Variants in DLGAP2 observed in about 807,000 individuals in gnomAD.
The protein encoded by DLGAP2 is disks large-associated protein 2.
A neutral mutation model predicts 100.3 loss-of-function variants in DLGAP2; 26 were observed. The ratio of observed to expected loss-of-function variants is 0.26; its 90% CI spans 0.19 to 0.36. The LOEUF (loss-of-function observed/expected upper bound fraction) is 0.36, where lower values mean the gene tolerates loss of function less well. DLGAP2 is among the 10% of genes least tolerant of loss of function. The pLI, the probability that DLGAP2 is intolerant of heterozygous loss-of-function variation, is 1.00. For synonymous variants in DLGAP2, 886 were observed against 630.1 expected (o/e 1.41, Z -6.08); for missense variants, 1,858 against 1,453.2 (o/e 1.28, Z -4.53).
intron 3 of DLGAP2, among the ~76,000 whole-genome samples, chr8:1,356,881 C>T (rs574236405): frequency 5.9e-5 from 9 of 152,290 alleles, no homozygotes; most frequent in Middle Eastern, 3.4e-3. Flanking sequence ...GGAAACACCT[C>T]GTCTTCAGGG....
intron 1 of DLGAP2, among the ~76,000 whole-genome samples, chr8:802,733 G>T (rs1424508542): frequency 1.3e-5 from 2 of 152,104 alleles, no homozygotes; most frequent in African/African-American, 4.8e-5. Flanking sequence ...TCTGTAGGCC[G>T]TGGTCTCTCA....
intron 3 of DLGAP2, among the ~76,000 whole-genome samples, chr8:1,275,825 AAAAT>A (rs1417066567): frequency 1.1e-4 from 6 of 57,026 alleles, no homozygotes; most frequent in African/African-American, 3.8e-4. Flanking sequence ...ATAATATATA[AAAAT>A]AAATATATAA....
chr8:1,255,788 ATCCTGCCTGGGTGCTATGTGTGTGTCTTC>A (rs1799191500), intron 2 of DLGAP2, among the ~76,000 whole-genome samples: 1 of 76,256 alleles, frequency 1.3e-5, no homozygotes, highest in African/African-American at 5.1e-5. Flanking sequence ...GTGTCCTCTC[ATCCTGCCTGGGTGCTATGTGTGTGTCTTC>A]TCCTGCCCAG....
intron 3 of DLGAP2, among the ~76,000 whole-genome samples, chr8:1,283,671 T>C (rs1164719594): frequency 1.3e-5 from 2 of 152,222 alleles, no homozygotes; most frequent in Admixed American, 6.5e-5. Flanking sequence ...AAATGCTTTT[T>C]GTCACCTAAC....
intron 2 of DLGAP2, among the ~76,000 whole-genome samples, chr8:1,104,202 C>A (rs574444717): frequency 6.6e-6 from 1 of 152,246 alleles, no homozygotes; most frequent in South Asian, 2.1e-4. Context: ...CAGCCCCGGC[C>A]ACGGTGGAGC....
At chr8:1,164,206 CAGGG>C (rs1796958798) in intron 2 of DLGAP2, among the ~76,000 whole-genome samples, 4 of 143,416 alleles carry the variant, frequency 2.8e-5, no homozygotes, top group Admixed American at 6.7e-5. Context: ...TGTGAGCCCC[CAGGG>C]CCCGTCATTT....
At chr8:1,436,742 T>TACCCATTCACCCACCCACTC (rs1797643222) in intron 3 of DLGAP2, among the ~76,000 whole-genome samples, 1 of 152,038 alleles carries the variant, frequency 6.6e-6, no homozygotes, top group South Asian at 2.1e-4. Context: ...CTCACCCACT[T>TACCCATTCACCCACCCACTC]ACCCATTCAC....
At chr8:1,637,715 C>T (rs914102047) in intron 8 of DLGAP2, among the ~76,000 whole-genome samples, 6 of 152,192 alleles carry the variant, frequency 3.9e-5, no homozygotes, top group Middle Eastern at 3.2e-3. Context: ...CCGGCCGCTG[C>T]GCTAAGTGCT....
At chr8:1,620,523 G>T (rs979285634) in intron 6 of DLGAP2, 1 of 152,354 alleles carries the variant, frequency 6.6e-6, no homozygotes. Context: ...CCTAGAATCA[G>T]CAGGTCCAAA....
At chr8:1,101,805 AACACGACACGACG>A (rs1563192583) in intron 2 of DLGAP2, among the ~76,000 whole-genome samples, 17 of 29,308 alleles carry the variant, frequency 5.8e-4, no homozygotes, top group African/African-American at 2.7e-3. Context: ...CCCTGAGCCG[AACACGACACGACG>A]ATGGGAAGCT....
At chr8:1,186,588 G>A (rs1797510195) in intron 2 of DLGAP2, among the ~76,000 whole-genome samples, 1 of 152,118 alleles carries the variant, frequency 6.6e-6, no homozygotes, top group South Asian at 2.1e-4. Context: ...TTTTTGTCAT[G>A]GAGGTGGGGG....
chr8:1,663,202 G>T (rs1798458795), intron 8 of DLGAP2, among the ~76,000 whole-genome samples: 1 of 151,874 alleles, frequency 6.6e-6, no homozygotes, highest in African/African-American at 2.4e-5. Flanking sequence ...ATGACTGTGT[G>T]TGTGTACACG....
At chr8:782,249 A>G (rs1419360389) in intron 1 of DLGAP2, among the ~76,000 whole-genome samples, 1 of 151,728 alleles carries the variant, frequency 6.6e-6, no homozygotes, top group African/African-American at 2.4e-5. Flanking sequence ...AAAAAAAAAC[A>G]GAAGAGAGGG....
At chr8:1,382,920 T>C (rs1475163130) in intron 3 of DLGAP2, among the ~76,000 whole-genome samples, 3 of 152,180 alleles carry the variant, frequency 2.0e-5, no homozygotes, top group Non-Finnish European at 4.4e-5. Context: ...AAAGTGTGTG[T>C]GTGCGTGTGT....
intron 3 of DLGAP2, among the ~76,000 whole-genome samples, chr8:1,285,292 T>C (rs1361470275): frequency 6.6e-6 from 1 of 152,222 alleles, no homozygotes; most frequent in Admixed American, 6.5e-5. Flanking sequence ...CCATGATTCA[T>C]TGTTAAAAAA....
intron 3 of DLGAP2, among the ~76,000 whole-genome samples, chr8:1,334,637 C>G (rs888796030): frequency 6.6e-6 from 1 of 152,156 alleles, no homozygotes; most frequent in Non-Finnish European, 1.5e-5. Flanking sequence ...CATGCATGGA[C>G]TCCGGTGGGA....
At chr8:1,120,652 T>A (rs1326107416) in intron 2 of DLGAP2, among the ~76,000 whole-genome samples, 1 of 146,756 alleles carries the variant, frequency 6.8e-6, no homozygotes, top group East Asian at 2.1e-4. Context: ...AACTCATGAC[T>A]ATAAACCCTA....
chr8:1,187,109 G>T (rs190351214), intron 2 of DLGAP2, among the ~76,000 whole-genome samples: 1 of 151,758 alleles, frequency 6.6e-6, no homozygotes, highest in Non-Finnish European at 1.5e-5. Context: ...GTTCAAAGAT[G>T]ATTGTCAGTT....
chr8:1,146,193 A>C (rs990858540), intron 2 of DLGAP2, among the ~76,000 whole-genome samples: 1 of 152,192 alleles, frequency 6.6e-6, no homozygotes, highest in Non-Finnish European at 1.5e-5. Flanking sequence ...GTGCTGTGAC[A>C]GCATCTTGTC....
Sources: allele counts gnomAD v4.1 joint callset (sites outside exome capture counted in the v4.1 genomes callset), GRCh38; gene constraint gnomAD v4.1.1; transcripts MANE v1.5; gene names NCBI Gene and HGNC (gene_info 2026-07-23, HGNC 2026-07-21).